The following SLC1A3 variants were observed in gnomAD, a reference collection of about 807,000 sequenced individuals.
SLC1A3 encodes excitatory amino acid transporter 1.
A neutral mutation model predicts 48.1 loss-of-function variants in SLC1A3; 21 were observed. The ratio of observed to expected loss-of-function variants is 0.44; its 90% CI spans 0.31 to 0.63. The LOEUF is 0.63. SLC1A3 is among the 20% of genes least tolerant of loss of function. SLC1A3 has a pLI of 0.08. For missense variants in SLC1A3, 546 were observed against 689.0 expected, an observed-to-expected ratio of 0.79 and a Z score of 2.32; for synonymous variants, 239 against 251.4, an observed-to-expected ratio of 0.95 and a Z score of 0.47.
intron 2 of SLC1A3, among the ~76,000 whole-genome samples, chr5:36,612,422 C>T (rs556621689): frequency 4.6e-4 from 70 of 152,034 alleles, no homozygotes; most frequent in African/African-American, 1.6e-3. Flanking sequence ...TCTCCAAAAA[C>T]ATTTTTTAAA....
intron 3 of SLC1A3, among the ~76,000 whole-genome samples, chr5:36,644,457 T>C (rs1002582508): frequency 2.6e-5 from 4 of 152,242 alleles, no homozygotes; most frequent in African/African-American, 9.6e-5. Flanking sequence ...TTTATTTCTT[T>C]AGTTGTAGTG....
chr5:36,653,945 G>A (rs1741188771), intron 3 of SLC1A3, among the ~76,000 whole-genome samples: 1 of 152,236 alleles, frequency 6.6e-6, no homozygotes, highest in South Asian at 2.1e-4. Flanking sequence ...CTGAGTTCAA[G>A]TGATTCTCCT....
At chr5:36,674,931 TAGAAGATAAA>T (rs1742143803) in intron 5 of SLC1A3, among the ~76,000 whole-genome samples, 1 of 152,204 alleles carries the variant, frequency 6.6e-6, no homozygotes, top group South Asian at 2.1e-4. Flanking sequence ...CTTTTACCAT[TAGAAGATAAA>T]AGCTCACTTT....
chr5:36,597,397 C>A lies in SLC1A3; in HGVS notation c.-96+719C>A, dbSNP rs538700193. On this transcript the variant is annotated intron_variant, in intron 1 of 9. Coordinates refer to the SLC1A3 transcript ENST00000680318. ...CAGCAGCTGGGACAGGGGCACGCCG[C>A]CACGCCCGGCTAGTTTTTGTATTTT... Among the ~76,000 whole-genome samples, 206 of 151,750 alleles carry A rather than the reference C, an allele frequency of 1.4e-3. 1 individual carries two copies. The highest frequency in any genetic ancestry group is 3.4e-3 in the Middle Eastern group (1 of 290).
chr5:36,619,839 C>T (rs1739594342), intron 2 of SLC1A3, among the ~76,000 whole-genome samples: 1 of 152,182 alleles, frequency 6.6e-6, no homozygotes, highest in Admixed American at 6.5e-5. Context: ...ATTAAATGCT[C>T]TCATATGCAT....
At chr5:36,623,708 A>C (rs935372296) in intron 2 of SLC1A3, among the ~76,000 whole-genome samples, 7 of 151,530 alleles carry the variant, frequency 4.6e-5, no homozygotes, top group Non-Finnish European at 1.0e-4. Flanking sequence ...ACAAAAAAAA[A>C]AAAAAATTAG....
At chr5:36,617,922 C>A (rs1028678643) in intron 2 of SLC1A3, among the ~76,000 whole-genome samples, 6 of 152,296 alleles carry the variant, frequency 3.9e-5, no homozygotes, top group African/African-American at 9.6e-5. Flanking sequence ...AAGGTATACT[C>A]ATTCATAATG....
intron 1 of SLC1A3, among the ~76,000 whole-genome samples, chr5:36,599,688 T>C (rs1738785875): frequency 9.7e-6 from 1 of 103,572 alleles, no homozygotes; most frequent in South Asian, 4.3e-4. Context: ...TTTGTATTTT[T>C]AGTAGAGACG....
intron 4 of SLC1A3, among the ~76,000 whole-genome samples, chr5:36,673,040 A>G (rs1784495711): frequency 6.6e-6 from 1 of 152,178 alleles, no homozygotes; most frequent in African/African-American, 2.4e-5. Context: ...TGAAAAATGT[A>G]TCCTGCCTAC....
chr5:36,606,642 T>C lies in SLC1A3; in HGVS notation c.-189T>C, dbSNP rs1738951281. On this transcript the variant is annotated 5_prime_UTR_variant, in exon 1 of 10. Coordinates refer to ENST00000265113, the MANE Select transcript of SLC1A3 (RefSeq NM_004172.5). Reference sequence around the variant, plus strand: ...ACACTGTCAGGGCTAGCCTGCCTGCTTACGCGCGCTGCGGATTGTTGCTCC... The same window carrying C: ...ACACTGTCAGGGCTAGCCTGCCTGCCTACGCGCGCTGCGGATTGTTGCTCC... 6.6e-6 allele frequency: 1 copy of C among 152,336 alleles called. No individual in the cohort carries two copies. Among genetic ancestry groups the C allele is most frequent in the Non-Finnish European group, 1.5e-5 (1 of 68,120 alleles). 9.4% of individuals were successfully genotyped at this position (152,336 alleles called of 1,614,324 possible).
At chr5:36,634,166 C>A (rs1169366966) in intron 3 of SLC1A3, among the ~76,000 whole-genome samples, 1 of 152,028 alleles carries the variant, frequency 6.6e-6, no homozygotes. Context: ...ATCCCAGCTA[C>A]TCGGGAGTCT....
chr5:36,628,889 A>G (rs1032409891), intron 2 of SLC1A3, among the ~76,000 whole-genome samples: 2 of 152,188 alleles, frequency 1.3e-5, no homozygotes, highest in Non-Finnish European at 2.9e-5. Context: ...TACCAAGGCA[A>G]TGTCAAGACC....
Position 36,687,955 on chromosome 5 carries a change from T to C in SLC1A3, c.*1686T>C, listed in dbSNP as rs1005845194. 2.0e-5 allele frequency: 3 copies of C among 152,316 alleles called. No individual in the cohort carries two copies. Among genetic ancestry groups the C allele is most frequent in the Non-Finnish European group, 2.9e-5 (2 of 68,038 alleles). 9.4% of individuals were successfully genotyped at this position (152,316 alleles called of 1,614,324 possible). On this transcript the variant is annotated 3_prime_UTR_variant, in exon 10 of 10. Coordinates refer to ENST00000265113, the MANE Select transcript of SLC1A3 (RefSeq NM_004172.5). ...AATTATGCTAACAAACTGAAAAATC[T>C]AGACATAGATCCTCTGATATACAAT...
intron 2 of SLC1A3, among the ~76,000 whole-genome samples, chr5:36,624,050 T>C (rs1048547687): frequency 1.3e-5 from 2 of 152,120 alleles, no homozygotes; most frequent in Non-Finnish European, 2.9e-5. Context: ...GCAGCCTTCG[T>C]ATTCACCGCA....
chr5:36,672,393 A>G (rs1450549480), intron 4 of SLC1A3, among the ~76,000 whole-genome samples: 4 of 152,210 alleles, frequency 2.6e-5, no homozygotes, highest in African/African-American at 7.2e-5. Flanking sequence ...ATATCTCAGC[A>G]TAGGCTCTAG....
intron 1 of SLC1A3, among the ~76,000 whole-genome samples, chr5:36,607,763 T>C (rs13154397): frequency 0.25 from 37,931 of 152,190 alleles, 5,893 homozygotes; most frequent in Non-Finnish European, 0.36. Context: ...CTGTGGGCAC[T>C]TGTGTTCTTT....
At chr5:36,631,271 G>A (rs534454347) in intron 3 of SLC1A3, among the ~76,000 whole-genome samples, 1 of 152,308 alleles carries the variant, frequency 6.6e-6, no homozygotes, top group African/African-American at 2.4e-5. Flanking sequence ...AAAGAGAAAA[G>A]CCCTTATATG....
upstream of SLC1A3, among the ~76,000 whole-genome samples, chr5:36,602,629 A>G (rs1738820870): frequency 6.6e-6 from 1 of 152,180 alleles, no homozygotes; most frequent in Admixed American, 6.5e-5. Flanking sequence ...TGGAGAAAAC[A>G]TGTTGTTTTT....
rs1217649533 is a variant in SLC1A3, at chr5:36,610,332, CA to C, written c.181+1732del. ...AACTGCATGATTTACCCGGTTACCT[CA>C]AAAGAAAACTTACAGTTCTCCTATA... On this transcript the variant is annotated intron_variant, in intron 2 of 9. Coordinates refer to ENST00000265113, the MANE Select transcript of SLC1A3 (RefSeq NM_004172.5). Among the ~76,000 whole-genome samples the C allele has an allele frequency of 4.6e-5, 7 of 152,322 alleles. No homozygotes were observed. In the East Asian group the frequency reaches 1.4e-3, roughly 29 times the overall value.
Sources: allele counts gnomAD v4.1 joint callset (sites outside exome capture counted in the v4.1 genomes callset), GRCh38; gene constraint gnomAD v4.1.1; transcripts MANE v1.5; gene names NCBI Gene and HGNC (gene_info 2026-07-23, HGNC 2026-07-21).